The following STAT3 variants were observed in gnomAD, a reference collection of about 807,000 sequenced individuals.
STAT3 encodes the protein DNA-binding protein APRF.
In STAT3, 7 loss-of-function variants were observed where a neutral mutation model predicts 114.3. The observed-to-expected ratio is 0.06, with a 90% CI of 0.03 to 0.11. The LOEUF is 0.11. STAT3 is among the 10% of genes least tolerant of loss of function. The pLI is 1.00. For missense variants in STAT3, 364 were observed against 960.9 expected, an observed-to-expected ratio of 0.38 and a Z score of 8.21; for synonymous variants, 331 against 354.5, an observed-to-expected ratio of 0.93 and a Z score of 0.74.
rs377480950 is a variant in STAT3 at position 42,382,297 on chromosome 17, AT to A, written c.-24+5981del. Among the ~76,000 whole-genome samples the A allele has an allele frequency of 2.8e-3, 426 of 152,362 alleles. 4 individuals are homozygous for A. Among genetic ancestry groups the A allele is most frequent in the African/African-American group, 9.6e-3 (400 of 41,584 alleles). ...CTATGTGCCAGGCACTATGCTAAGCATTTTATCCACATTATCTTATTGAATC... is the reference window on the plus strand; with the variant it reads ...CTATGTGCCAGGCACTATGCTAAGCATTTATCCACATTATCTTATTGAATC... On this transcript the variant is annotated intron_variant, in intron 1 of 23. Coordinates refer to ENST00000264657, the MANE Select transcript of STAT3 (RefSeq NM_139276.3).
intron 11 of STAT3, 137 bp from the exon 12 acceptor site, chr17:42,329,913 G>A: frequency 9.8e-7 from 1 of 1,015,310 alleles, no homozygotes; most frequent in Non-Finnish European, 1.5e-6. Flanking sequence ...AGTTACAGTT[G>A]ATCAGCGCAA....
chr17:42,330,646 G>T (rs988949207), intron 11 of STAT3, among the ~76,000 whole-genome samples: 6 of 145,732 alleles, frequency 4.1e-5, no homozygotes, highest in Non-Finnish European at 7.5e-5. Context: ...ACCCAGGATG[G>T]TCTCGATCTC....
intron 1 of STAT3, among the ~76,000 whole-genome samples, chr17:42,365,221 C>T (rs530101624): frequency 6.6e-6 from 1 of 152,278 alleles, no homozygotes; most frequent in South Asian, 2.1e-4. Context: ...TCTCCAGAAC[C>T]AGCCACATTC....
At chr17:42,347,865 A>G (rs1327219857) in intron 2 of STAT3, among the ~76,000 whole-genome samples, 1 of 152,210 alleles carries the variant, frequency 6.6e-6, no homozygotes, top group African/African-American at 2.4e-5. Context: ...CCTCCCCAGC[A>G]GCAGATGCTG....
chr17:42,333,086 T>G lies in STAT3; in HGVS notation c.1049+587A>C, dbSNP rs568603843. Among the ~76,000 whole-genome samples the G allele has an allele frequency of 2.6e-5, 4 of 152,302 alleles. No individual in the cohort carries two copies. The highest frequency in any genetic ancestry group is 2.6e-4 in the Admixed American group (4 of 15,294). On this transcript the variant is annotated intron_variant, in intron 10 of 23. Coordinates refer to ENST00000264657, the MANE Select transcript of STAT3 (RefSeq NM_139276.3). The surrounding 1 kb of genome is among the most constrained non-coding windows in gnomAD (Gnocchi z 5.2). The stretch of plus-strand genomic sequence containing the variant: ...ACTAACAACTTAAAGTTGTGAGAGA[T>G]TCACAAAAGGATAATCAAAGCCATA...
chr17:42,331,288 C>G (rs17879442), intron 11 of STAT3, among the ~76,000 whole-genome samples, 184 bp downstream of exon 11: 2 of 152,132 alleles, frequency 1.3e-5, no homozygotes, highest in African/African-American at 2.4e-5. Flanking sequence ...CAAATCTGTA[C>G]CCCCAGCTTT....
intron 21 of STAT3, among the ~76,000 whole-genome samples, chr17:42,320,561 C>T (rs1013064498): frequency 2.6e-5 from 4 of 151,942 alleles, no homozygotes; most frequent in Non-Finnish European, 4.4e-5. Context: ...GAAACCCTTT[C>T]TCTACAAAAA....
chr17:42,358,259 A>T (rs973908071), intron 1 of STAT3, among the ~76,000 whole-genome samples: 10 of 151,990 alleles, frequency 6.6e-5, no homozygotes, highest in Non-Finnish European at 1.0e-4. Flanking sequence ...CTACAAAAAA[A>T]TTTTTTTAAA....
chr17:42,358,468 A>C lies in STAT3; in HGVS notation c.-23-9929T>G, dbSNP rs140822702. On this transcript the variant is annotated intron_variant, in intron 1 of 23. Transcript: ENST00000264657. The stretch of plus-strand genomic sequence containing the variant: ...CTCTAAATTAAAAGTAACAAACATG[A>C]TTTGTCAATTACTGAGTGCACAGTT... 1.6e-3 allele frequency among the ~76,000 whole-genome samples: 244 copies of C among 152,296 alleles called. 1 individual carries two copies. The highest frequency in any genetic ancestry group is 4.7e-3 in the Admixed American group (72 of 15,286).
chr17:42,319,741 A>G (rs1247410651), intron 21 of STAT3, among the ~76,000 whole-genome samples: 1 of 152,108 alleles, frequency 6.6e-6, no homozygotes, highest in African/African-American at 2.4e-5. Flanking sequence ...TGAGACCCTC[A>G]TACCATAATA....
At chr17:42,343,328 TAA>T (rs1206549533) in intron 4 of STAT3, among the ~76,000 whole-genome samples, 1 of 151,960 alleles carries the variant, frequency 6.6e-6, no homozygotes, top group African/African-American at 2.4e-5. Flanking sequence ...TCACAGAAAG[TAA>T]AAAAGTCTCC....
chr17:42,351,129 CAAAAAA>C (rs139529559), intron 1 of STAT3, among the ~76,000 whole-genome samples: 2 of 77,274 alleles, frequency 2.6e-5, no homozygotes, highest in Non-Finnish European at 5.7e-5. Context: ...GACTCCATCT[CAAAAAA>C]AAAAAAAAAA....
At chr17:42,387,259 T>C (rs1241942549) in intron 1 of STAT3, 4 of 152,324 alleles carry the variant, frequency 2.6e-5, no homozygotes, top group Admixed American at 6.5e-5. Context: ...AACATGGAAA[T>C]ACCAACTTGG....
intron 1 of STAT3, among the ~76,000 whole-genome samples, chr17:42,360,215 T>C (rs1483215521): frequency 6.6e-6 from 1 of 151,782 alleles, no homozygotes; most frequent in Non-Finnish European, 1.5e-5. Flanking sequence ...TTTTTTAAAT[T>C]AGAGATGGCG....
At chr17:42,336,659 A>T (rs567427195) in intron 8 of STAT3, among the ~76,000 whole-genome samples, 6 of 139,968 alleles carry the variant, frequency 4.3e-5, no homozygotes, top group Admixed American at 2.7e-4. Flanking sequence ...TTATGTGTAT[A>T]TACATAATGT....
In STAT3 at chr17:42,360,059, C is replaced by CAAA. The variant is rs71157617; in HGVS notation, c.-23-11523_-23-11521dup. ...TGGGCGGCAGAGCAAGACTCCGTCT[C>CAAA]AAAAAAAAAAAAAAAAAAAAAAGAT... On this transcript the variant is annotated intron_variant, in intron 1 of 23. Transcript: ENST00000264657. Among the ~76,000 whole-genome samples the CAAA allele has an allele frequency of 3.1e-3, 144 of 46,596 alleles. 1 individual carries two copies. The highest frequency in any genetic ancestry group is 0.017 in the Middle Eastern group (1 of 60). The allele number at this position is 46,596 out of a possible 152,430, so 30.6% of individuals were successfully genotyped here.
chr17:42,377,049 T>C (rs891460513), intron 1 of STAT3, among the ~76,000 whole-genome samples: 7 of 152,198 alleles, frequency 4.6e-5, no homozygotes, highest in African/African-American at 1.7e-4. Context: ...GATTTATTCA[T>C]ATAAGCCCAA....
chr17:42,316,912 T>C lies in STAT3; in HGVS notation c.2145-11A>G. On this transcript the variant is annotated splice_polypyrimidine_tract_variant and intron_variant, in intron 22 of 23. Coordinates refer to ENST00000264657, the MANE Select transcript of STAT3 (RefSeq NM_139276.3). The stretch of plus-strand genomic sequence containing the variant: ...TTGCTGCAGGTCGTTCTGTAGGAAA[T>C]GGGGGGCAGCAGGAGGGGAAACGGG... 1 of 1,581,380 alleles carries C rather than the reference T, an allele frequency of 6.3e-7. No individual in the cohort carries two copies. Among genetic ancestry groups the C allele is most frequent in the Non-Finnish European group, 8.6e-7 (1 of 1,165,252 alleles).
chr17:42,341,074 C>T (rs952954174), intron 4 of STAT3, among the ~76,000 whole-genome samples: 1 of 152,182 alleles, frequency 6.6e-6, no homozygotes, highest in Non-Finnish European at 1.5e-5. Flanking sequence ...GCCACACTTT[C>T]CATTCTAGTT....
Sources: gnomAD v4.1 joint callset for allele counts (sites outside exome capture counted in the v4.1 genomes callset) on GRCh38, gnomAD v4.1.1 for gene constraint, Gnocchi (gnomAD v3.1) non-coding constraint, MANE v1.5 for transcripts, NCBI Gene and HGNC (gene_info 2026-07-23, HGNC 2026-07-21) for gene names.